The following BMPER variants were observed in gnomAD, a reference collection of about 807,000 sequenced individuals.
BMPER encodes the protein BMP binding endothelial regulator, also known as BMP-binding endothelial regulator protein.
BMPER carries 45 observed loss-of-function variants against 87.3 expected under a neutral mutation model. That is an observed-to-expected ratio of 0.52 (90% CI 0.41 to 0.66). The LOEUF (loss-of-function observed/expected upper bound fraction) is 0.66, where lower values mean the gene tolerates loss of function less well. Among genes scored for constraint, BMPER ranks in the 30% least tolerant of loss-of-function variants. The pLI is 0.00. For synonymous variants in BMPER, 326 were observed against 316.2 expected (o/e 1.03, Z -0.33); for missense variants, 784 against 867.5 (o/e 0.90, Z 1.21).
In BMPER at chr7:34,153,119, A is replaced by G; in HGVS notation, c.1904A>G (p.Tyr635Cys). Residue 635 changes from tyrosine (Y) to cysteine (C), a missense_variant, in exon 15 of 15, where the codon TAC becomes TGC. Transcript: ENST00000649409. ...AATQCKHGAV[Y>C]DTCGPGCIKT... ...ACCCAGTGTAAGCATGGTGCTGTGT[A>G]CGATACCTGTGGTCCGGGATGTATC... is the stretch of plus-strand genomic sequence containing the variant. The G allele has an allele frequency of 1.2e-6, 2 of 1,613,968 alleles. No individual in the cohort carries two copies. The highest frequency in any genetic ancestry group is 1.7e-6 in the Non-Finnish European group (2 of 1,179,936).
intron 12 of BMPER, among the ~76,000 whole-genome samples, chr7:34,083,669 T>G (rs1789115055): frequency 6.6e-6 from 1 of 152,218 alleles, no homozygotes; most frequent in South Asian, 2.1e-4. Context: ...TTGGACTATA[T>G]CCAGACTTCA....
intron 3 of BMPER, among the ~76,000 whole-genome samples, chr7:33,937,842 C>T (rs1784646482): frequency 6.6e-6 from 1 of 152,078 alleles, no homozygotes; most frequent in Admixed American, 6.6e-5. Flanking sequence ...TTTTCCTTTC[C>T]TTCCAAATTA....
At chr7:34,109,574 C>T (rs1302960972) in intron 13 of BMPER, among the ~76,000 whole-genome samples, 2 of 152,178 alleles carry the variant, frequency 1.3e-5, no homozygotes, top group East Asian at 3.8e-4. Context: ...TATACTTTCT[C>T]AGGTTTCTCT....
intron 13 of BMPER, among the ~76,000 whole-genome samples, chr7:34,129,610 A>AGAGAGAGAGAGAGAGAGAG (rs1790507400): frequency 5.7e-5 from 4 of 69,630 alleles, no homozygotes; most frequent in African/African-American, 1.1e-4. Flanking sequence ...GAGAGAGAGA[A>AGAGAGAGAGAGAGAGAGAG]AGAGAGAGAG....
At chr7:34,115,148 G>T (rs990597914) in intron 13 of BMPER, among the ~76,000 whole-genome samples, 1 of 152,116 alleles carries the variant, frequency 6.6e-6, no homozygotes, top group Non-Finnish European at 1.5e-5. Context: ...TTCCCTCCAG[G>T]TGCTGGAATT....
At chr7:33,941,410 T>G (rs567785463) in intron 3 of BMPER, among the ~76,000 whole-genome samples, 1 of 151,414 alleles carries the variant, frequency 6.6e-6, no homozygotes, top group African/African-American at 2.4e-5. Context: ...CGGGGGATGG[T>G]TTTGGGATGA....
intron 13 of BMPER, among the ~76,000 whole-genome samples, chr7:34,086,409 C>T (rs1302610831): frequency 6.6e-6 from 1 of 152,184 alleles, no homozygotes; most frequent in Non-Finnish European, 1.5e-5. Flanking sequence ...TTGAGGAGGG[C>T]TTCCCAAATT....
intron 7 of BMPER, among the ~76,000 whole-genome samples, chr7:34,050,971 G>T (rs1003763290): frequency 6.6e-6 from 1 of 152,088 alleles, no homozygotes; most frequent in African/African-American, 2.4e-5. Flanking sequence ...ATCTTAGTCT[G>T]TTTAGTCTAC....
At chr7:33,960,641 C>G (rs1785245172) in intron 3 of BMPER, among the ~76,000 whole-genome samples, 1 of 152,160 alleles carries the variant, frequency 6.6e-6, no homozygotes, top group South Asian at 2.1e-4. Flanking sequence ...AGTTAGGGAA[C>G]CAAAATAGAT....
At chr7:34,032,853 A>T (rs1245701416) in intron 6 of BMPER, among the ~76,000 whole-genome samples, 1 of 152,136 alleles carries the variant, frequency 6.6e-6, no homozygotes, top group East Asian at 1.9e-4. Flanking sequence ...ATTTTCCAGC[A>T]GGACTGATTC....
At chr7:33,962,280 C>A (rs1047014741) in intron 3 of BMPER, among the ~76,000 whole-genome samples, 5 of 152,112 alleles carry the variant, frequency 3.3e-5, no homozygotes, top group African/African-American at 1.2e-4. Context: ...AATGTTAGGA[C>A]AAATACTCTG....
At position 34,085,991 on chromosome 7, in the gene BMPER, G is replaced by A. The variant is rs781779445; in HGVS notation, c.1644G>A (p.Gly548=). ...QRKPVPELCQ[G]TVKVKLRAHR... ...AGCCAGTGCCTGAACTGTGTCAAGG[G>A]ACAGTCAAGGTAAAGCTCCGGGCCC... is the stretch of plus-strand genomic sequence containing the variant. Residue 548 remains glycine (G), a synonymous_variant, in exon 13 of 15, where the codon GGG becomes GGA. Coordinates refer to ENST00000649409, the MANE Select transcript of BMPER (RefSeq NM_001365308.1). The A allele has an allele frequency of 3.1e-6, 5 of 1,614,104 alleles. No homozygotes were observed. The highest frequency in any genetic ancestry group is 1.7e-6 in the Non-Finnish European group (2 of 1,180,028).
At chr7:34,030,811 C>G (rs1194841772) in intron 6 of BMPER, among the ~76,000 whole-genome samples, 2 of 151,874 alleles carry the variant, frequency 1.3e-5, no homozygotes, top group Non-Finnish European at 2.9e-5. Context: ...GCTATGTTGC[C>G]CAGCTGGTAT....
chr7:33,974,930 AG>A, intron 6 of BMPER, 146 bp downstream of exon 6: 1 of 822,914 alleles, frequency 1.2e-6, no homozygotes, highest in Non-Finnish European at 2.1e-6. Flanking sequence ...CCGAGGGAAA[AG>A]CTCATCCACC....
intron 5 of BMPER, among the ~76,000 whole-genome samples, chr7:33,973,566 G>T (rs13243958): frequency 0.6 from 91,376 of 152,120 alleles, 27,647 homozygotes; most frequent in Middle Eastern, 0.65. Context: ...GCCAGATCAG[G>T]TGGATGTAAT....
chr7:34,016,031 TGA>T (rs1189483619), intron 6 of BMPER, among the ~76,000 whole-genome samples: 5 of 149,588 alleles, frequency 3.3e-5, no homozygotes, highest in Middle Eastern at 3.4e-3. Context: ...AGAGAGAGAC[TGA>T]GAGAGAGAGA....
At chr7:33,910,488 G>A (rs954388761) in intron 2 of BMPER, among the ~76,000 whole-genome samples, 4 of 152,216 alleles carry the variant, frequency 2.6e-5, no homozygotes, top group African/African-American at 9.7e-5. Context: ...TGTAGAATAG[G>A]AGGACATGGC....
intron 5 of BMPER, among the ~76,000 whole-genome samples, chr7:33,974,386 C>T (rs1785626502): frequency 6.6e-6 from 1 of 152,066 alleles, no homozygotes; most frequent in South Asian, 2.1e-4. Context: ...GGGTTTGGTC[C>T]CTCTGGCAGT....
chr7:33,925,329 G>T (rs1784333423), intron 2 of BMPER, among the ~76,000 whole-genome samples: 2 of 152,230 alleles, frequency 1.3e-5, no homozygotes, highest in Admixed American at 1.3e-4. Context: ...ATGATGACTT[G>T]CCCTTTTCGT....
Sources: allele counts gnomAD v4.1 joint callset (sites outside exome capture counted in the v4.1 genomes callset), GRCh38; gene constraint gnomAD v4.1.1; transcripts MANE v1.5; gene names NCBI Gene and HGNC (gene_info 2026-07-23, HGNC 2026-07-21).